Variants in STIL observed in about 807,000 individuals in gnomAD.
STIL encodes the protein STIL centriolar assembly protein.
A neutral mutation model predicts 110.1 loss-of-function variants in STIL; 55 were observed. The ratio of observed to expected loss-of-function variants is 0.50; its 90% CI spans 0.40 to 0.63. STIL has a LOEUF of 0.63. STIL is among the 20% of genes least tolerant of loss of function. The probability of loss-of-function intolerance (pLI) is 0.00; values close to 1 mark genes in which losing one functional copy is unlikely to be tolerated. For synonymous variants in STIL, 481 were observed against 530.0 expected, an observed-to-expected ratio of 0.91 and a Z score of 1.27; for missense variants, 1,358 against 1,530.0, an observed-to-expected ratio of 0.89 and a Z score of 1.87.
chr1:47,284,812 C>T (rs1195497270), intron 10 of STIL, among the ~76,000 whole-genome samples: 1 of 151,878 alleles, frequency 6.6e-6, no homozygotes, highest in African/African-American at 2.4e-5. Flanking sequence ...ATTCCTTGAA[C>T]CTGCGAAGTG....
At chr1:47,272,738 G>A (rs1644878531) in intron 12 of STIL, among the ~76,000 whole-genome samples, 1 of 152,154 alleles carries the variant, frequency 6.6e-6, no homozygotes. Context: ...ATACATAAAG[G>A]TGTTTAGCTT....
At chr1:47,308,607 G>A (rs1646034764) in intron 2 of STIL, among the ~76,000 whole-genome samples, 1 of 151,668 alleles carries the variant, frequency 6.6e-6, no homozygotes, top group Non-Finnish European at 1.5e-5. Context: ...GGTTACCAGA[G>A]GCTGGGAAGA....
At chr1:47,272,050 A>G in intron 13 of STIL, 26 bp downstream of exon 13, 1 of 1,610,646 alleles carries the variant, frequency 6.2e-7, no homozygotes, top group South Asian at 1.1e-5. Context: ...CAATTTCCTT[A>G]CAAATTAAAA....
chr1:47,308,922 C>T (rs925562557), intron 2 of STIL, among the ~76,000 whole-genome samples: 2 of 151,794 alleles, frequency 1.3e-5, no homozygotes, highest in African/African-American at 4.8e-5. Context: ...CATGGTGGCG[C>T]ACGCCTGTAA....
At chr1:47,257,773 A>T (rs554267304) in intron 16 of STIL, among the ~76,000 whole-genome samples, 1 of 152,316 alleles carries the variant, frequency 6.6e-6, no homozygotes, top group East Asian at 1.9e-4. Flanking sequence ...CATAAAAGAT[A>T]TTGACTATCT....
intron 15 of STIL, among the ~76,000 whole-genome samples, chr1:47,261,571 C>T (rs1306689119): frequency 2.0e-5 from 3 of 151,464 alleles, no homozygotes; most frequent in Non-Finnish European, 4.4e-5. Context: ...GAAACCCCAT[C>T]TCTGCTAAAA....
chr1:47,278,403 C>T (rs1235406655), intron 12 of STIL, among the ~76,000 whole-genome samples: 1 of 151,982 alleles, frequency 6.6e-6, no homozygotes, highest in African/African-American at 2.4e-5. Flanking sequence ...TGTATTTACA[C>T]ACAGAAGCAT....
chr1:47,261,730 A>G (rs773286606), intron 15 of STIL, among the ~76,000 whole-genome samples: 90 of 145,220 alleles, frequency 6.2e-4, no homozygotes, highest in Non-Finnish European at 1.0e-3. Flanking sequence ...ACAGAAACAC[A>G]GTGAGACTCT....
At chr1:47,264,035 G>T (rs1413360500) in intron 14 of STIL, among the ~76,000 whole-genome samples, 2 of 152,174 alleles carry the variant, frequency 1.3e-5, no homozygotes, top group Admixed American at 1.3e-4. Context: ...TTACAGGCGT[G>T]AGCCACTGCA....
intron 8 of STIL, among the ~76,000 whole-genome samples, chr1:47,292,775 G>T (rs536711968): frequency 6.6e-6 from 1 of 152,296 alleles, no homozygotes; most frequent in African/African-American, 2.4e-5. Context: ...AAATGGGGAG[G>T]AAGAGAGATC....
intron 10 of STIL, 60 bp from the exon 11 acceptor site, chr1:47,282,519 A>G: frequency 9.8e-7 from 1 of 1,020,782 alleles, no homozygotes; most frequent in Non-Finnish European, 1.5e-6. Flanking sequence ...TCTTTCTTCT[A>G]GAAATTGAAT....
At chr1:47,271,652 C>T (rs1644838452) in intron 13 of STIL, among the ~76,000 whole-genome samples, 1 of 146,060 alleles carries the variant, frequency 6.8e-6, no homozygotes, top group Non-Finnish European at 1.5e-5. Context: ...TTAATACAAA[C>T]AAGACTGGCT....
chr1:47,296,792 C>A (rs981599395), intron 6 of STIL, among the ~76,000 whole-genome samples: 4 of 152,106 alleles, frequency 2.6e-5, no homozygotes, highest in Non-Finnish European at 5.9e-5. Context: ...TCAGCCTGGG[C>A]AACAGAGTGA....
At chr1:47,268,860 G>A (rs996539878) in intron 14 of STIL, among the ~76,000 whole-genome samples, 7 of 152,000 alleles carry the variant, frequency 4.6e-5, no homozygotes, top group African/African-American at 1.7e-4. Context: ...TTGGGAGGCC[G>A]AGGCAGGCAG....
At chr1:47,274,559 C>T (rs1306931160) in intron 12 of STIL, among the ~76,000 whole-genome samples, 1 of 145,810 alleles carries the variant, frequency 6.9e-6, no homozygotes, top group Non-Finnish European at 1.5e-5. Flanking sequence ...CCTCGTGATC[C>T]ACCCACCTCA....
In STIL at chr1:47,251,490, A is replaced by G. The variant is rs756923512; in HGVS notation, c.3513T>C (p.Pro1171=). The G allele has an allele frequency of 6.2e-7, 1 of 1,614,232 alleles. No individual in the cohort carries two copies. Among genetic ancestry groups the G allele is most frequent in the South Asian group, 1.1e-5 (1 of 91,084 alleles). Reference sequence around the variant, plus strand: ...TAATTATTTCATGGTCATTCTTAGAAGGCTCTTTCTGACCACCAAGCTGTT... The same window carrying G: ...TAATTATTTCATGGTCATTCTTAGAGGGCTCTTTCTGACCACCAAGCTGTT... ...IPEQLGGQKE[P]SKNDHEIINC... The change falls in exon 17 of 17, where the codon CCT becomes CCC. Residue 1171 remains proline, a synonymous_variant. Coordinates refer to ENST00000371877, the MANE Select transcript of STIL (RefSeq NM_001048166.1).
In STIL at chr1:47,280,970, T is replaced by C. The variant is rs762631556; in HGVS notation, c.1488A>G (p.Lys496=). 6.2e-7 allele frequency: 1 copy of C among 1,614,004 alleles called. No homozygotes were observed. Among genetic ancestry groups the C allele is most frequent in the Admixed American group, 1.7e-5 (1 of 59,972 alleles). Residue 496 remains lysine (K), a synonymous_variant, in exon 12 of 17, where the codon AAA becomes AAG. Coordinates refer to ENST00000371877, the MANE Select transcript of STIL (RefSeq NM_001048166.1). The part of the protein sequence containing the change: ...RGIPNQLNQD[K]PALLRHCKVR... Reference sequence around the variant, plus strand: ...CTTTGCAGTGTCTCAAAAGAGCTGGTTTATCCTGGTTTAACTGATTTGGTA... The same window carrying C: ...CTTTGCAGTGTCTCAAAAGAGCTGGCTTATCCTGGTTTAACTGATTTGGTA...
chr1:47,304,925 G>T lies in STIL; in HGVS notation c.116C>A (p.Thr39Asn). The T allele has an allele frequency of 6.2e-7, 1 of 1,613,966 alleles. No homozygotes were observed. Among genetic ancestry groups the T allele is most frequent in the Non-Finnish European group, 8.5e-7 (1 of 1,179,868 alleles). The change falls in exon 3 of 17, where the codon ACT (threonine) becomes AAT (asparagine). Residue 39 changes from threonine to asparagine, a missense_variant. Physicochemically the swap from Thr to Asn is moderately conservative, Grantham distance 65. Transcript: ENST00000371877. ...SKCALWNPTP[T>N]GDFIYLHLSY... ...GAGATGTAAGTAGATGAAATCTCCA[G>T]TTGGCGTTGGGTTCCAAAGTGCACA...
At chr1:47,302,979 G>A (rs139702938) in intron 3 of STIL, among the ~76,000 whole-genome samples, 72 of 152,116 alleles carry the variant, frequency 4.7e-4, no homozygotes, top group African/African-American at 1.5e-3. Context: ...TGCATAAAGG[G>A]GGGAAACTAC....
Sources: allele counts gnomAD v4.1 joint callset (sites outside exome capture counted in the v4.1 genomes callset), GRCh38; gene constraint gnomAD v4.1.1; transcripts MANE v1.5; gene names NCBI Gene and HGNC (gene_info 2026-07-23, HGNC 2026-07-21).